Variants in SPPL3 observed in about 807,000 individuals in gnomAD.
The protein encoded by SPPL3 is signal peptide peptidase like 3.
SPPL3 carries 5 observed loss-of-function variants against 42.4 expected under a neutral mutation model. The ratio of observed to expected loss-of-function variants is 0.12; its 90% CI spans 0.06 to 0.25. SPPL3 has a LOEUF of 0.25. SPPL3 is among the 10% of genes least tolerant of loss of function. SPPL3 has a pLI of 1.00. For synonymous variants in SPPL3, 195 were observed against 181.8 expected (o/e 1.07, Z -0.58); for missense variants, 235 against 489.0 (o/e 0.48, Z 4.90).
At chr12:120,801,614 C>T (rs186422746) in intron 2 of SPPL3, among the ~76,000 whole-genome samples, 102 of 152,290 alleles carry the variant, frequency 6.7e-4, no homozygotes, top group Middle Eastern at 3.4e-3. Flanking sequence ...CATCTTTCCA[C>T]ATTAGTATAT....
intron 1 of SPPL3, among the ~76,000 whole-genome samples, chr12:120,898,302 T>G (rs6489784): frequency 0.1 from 9,777 of 93,798 alleles, 286 homozygotes; most frequent in East Asian, 0.32. Context: ...CTCTGTTTTT[T>G]TTTTTTTTTT....
intron 6 of SPPL3, among the ~76,000 whole-genome samples, chr12:120,770,311 G>A (rs1024703037): frequency 5.9e-5 from 9 of 152,194 alleles, no homozygotes; most frequent in Non-Finnish European, 2.9e-5. Flanking sequence ...ACAGGTGTGA[G>A]CCACCATGCC....
At chr12:120,810,425 A>G (rs989467278) in intron 2 of SPPL3, among the ~76,000 whole-genome samples, 2 of 151,976 alleles carry the variant, frequency 1.3e-5, no homozygotes, top group Admixed American at 1.3e-4. Flanking sequence ...ATTTTATTAC[A>G]TGGATATTTA....
At chr12:120,807,584 G>T (rs944107776) in intron 2 of SPPL3, among the ~76,000 whole-genome samples, 1 of 151,628 alleles carries the variant, frequency 6.6e-6, no homozygotes, top group Non-Finnish European at 1.5e-5. Context: ...TGAGGCAGGA[G>T]AATCGCTTGA....
At chr12:120,787,164 C>T (rs1483832324) in intron 3 of SPPL3, among the ~76,000 whole-genome samples, 1 of 152,112 alleles carries the variant, frequency 6.6e-6, no homozygotes, top group African/African-American at 2.4e-5. Context: ...TAGTAAGCAA[C>T]AGGAGGGATT....
At chr12:120,784,708 A>G in intron 3 of SPPL3, 115 bp from the exon 4 acceptor site, 1 of 730,034 alleles carries the variant, frequency 1.4e-6, no homozygotes, top group Non-Finnish European at 2.2e-6. Flanking sequence ...TATACGTAGG[A>G]CATGGATTAT....
At chr12:120,886,337 T>G (rs1873461202) in intron 1 of SPPL3, among the ~76,000 whole-genome samples, 1 of 152,122 alleles carries the variant, frequency 6.6e-6, no homozygotes, top group African/African-American at 2.4e-5. Flanking sequence ...TTTATTCTAT[T>G]TTAGTTACTA....
At chr12:120,866,967 G>GT (rs1306008657) in intron 1 of SPPL3, among the ~76,000 whole-genome samples, 1 of 152,106 alleles carries the variant, frequency 6.6e-6, no homozygotes, top group Admixed American at 6.6e-5. Context: ...AATAAGGAAC[G>GT]TTTTTTAAAA....
At chr12:120,853,983 T>TACACACACACACACACACACACACACAC (rs58246859) in intron 1 of SPPL3, among the ~76,000 whole-genome samples, 7 of 130,300 alleles carry the variant, frequency 5.4e-5, no homozygotes, top group Admixed American at 4.0e-4. Flanking sequence ...CACGCACACA[T>TACACACACACACACACACACACACACAC]ACACACACAC....
chr12:120,815,837 T>C (rs1406599262), intron 1 of SPPL3, among the ~76,000 whole-genome samples: 1 of 152,114 alleles, frequency 6.6e-6, no homozygotes, highest in Non-Finnish European at 1.5e-5. Flanking sequence ...AGCAAAATTC[T>C]CCTGCCTCAG....
intron 2 of SPPL3, among the ~76,000 whole-genome samples, chr12:120,797,508 T>C (rs1303058033): frequency 6.6e-6 from 1 of 152,176 alleles, no homozygotes; most frequent in Non-Finnish European, 1.5e-5. Flanking sequence ...ATGTTTTTTT[T>C]ATTGTTTTTA....
At chr12:120,773,430 A>G (rs1869195223) in intron 6 of SPPL3, among the ~76,000 whole-genome samples, 1 of 152,218 alleles carries the variant, frequency 6.6e-6, no homozygotes, top group Non-Finnish European at 1.5e-5. Flanking sequence ...AAGGGCACGA[A>G]GAAAGTAACA....
rs139805372 is a variant in SPPL3 at position 120,871,210 on chromosome 12, C to T, written c.23+32635G>A. 1.0e-3 allele frequency among the ~76,000 whole-genome samples: 149 copies of T among 148,578 alleles called. 1 individual carries two copies. Among genetic ancestry groups the T allele is most frequent in the African/African-American group, 3.5e-3 (143 of 40,518 alleles). On this transcript the variant is annotated intron_variant, in intron 1 of 10. Transcript: ENST00000353487. ...CACAACAATGTGAATACACATAATA[C>T]CACATGACAGTACATTTAAAAACGA...
At chr12:120,800,427 C>T (rs866071886) in intron 2 of SPPL3, among the ~76,000 whole-genome samples, 11 of 152,110 alleles carry the variant, frequency 7.2e-5, no homozygotes, top group African/African-American at 1.4e-4. Context: ...TGCTTGAACC[C>T]GGGAGGTGGA....
rs573941410 is a variant in SPPL3 at position 120,829,760 on chromosome 12, C to G, written c.24-18874G>C. On this transcript the variant is annotated intron_variant, in intron 1 of 10. Transcript: ENST00000353487. The stretch of plus-strand genomic sequence containing the variant: ...CTGCAATCCCAGTACTTTGGGAGGC[C>G]GAGGTGGGCGGATCACCTGTGGACG... 7.9e-5 allele frequency among the ~76,000 whole-genome samples: 12 copies of G among 151,996 alleles called. No individual in the cohort carries two copies. The East Asian group carries it at 2.3e-3, about 30-fold the overall frequency.
chr12:120,901,848 T>C (rs1421551516), intron 1 of SPPL3: 9 of 974,366 alleles, frequency 9.2e-6, no homozygotes, highest in African/African-American at 1.8e-5. Flanking sequence ...CCAACTAATG[T>C]CAGAGAGAGG....
At chr12:120,769,089 C>T (rs373482887) in intron 6 of SPPL3, 30 bp from the exon 7 acceptor site, 12 of 1,548,536 alleles carry the variant, frequency 7.7e-6, no homozygotes, top group Non-Finnish European at 8.8e-6. Flanking sequence ...CAGCAGACAG[C>T]AGTCAGTGTG....
chr12:120,809,076 T>C (rs1592973441), intron 2 of SPPL3, among the ~76,000 whole-genome samples: 1 of 152,232 alleles, frequency 6.6e-6, no homozygotes, highest in Admixed American at 6.5e-5. Context: ...CTGGGCGCAG[T>C]GGCTCACGCC....
intron 1 of SPPL3, among the ~76,000 whole-genome samples, chr12:120,857,518 T>A (rs765773287): frequency 6.6e-6 from 1 of 152,198 alleles, no homozygotes; most frequent in Non-Finnish European, 1.5e-5. Flanking sequence ...TAAAGACACA[T>A]GCATGTGTTT....
Sources: gnomAD v4.1 joint callset for allele counts (sites outside exome capture counted in the v4.1 genomes callset) on GRCh38, gnomAD v4.1.1 for gene constraint, MANE v1.5 for transcripts, NCBI Gene and HGNC (gene_info 2026-07-23, HGNC 2026-07-21) for gene names.